MYO1E: variants seen among roughly 807,000 people sequenced by gnomAD.
The protein encoded by MYO1E is myosin IE.
In MYO1E, 68 loss-of-function variants were observed where a neutral mutation model predicts 151.1. The ratio of observed to expected loss-of-function variants is 0.45; its 90% CI spans 0.37 to 0.55. The LOEUF (loss-of-function observed/expected upper bound fraction) is 0.55. Among genes scored for constraint, MYO1E ranks in the 20% least tolerant of loss-of-function variants. MYO1E has a pLI of 0.00. For synonymous variants in MYO1E, 601 were observed against 501.7 expected, an observed-to-expected ratio of 1.20 and a Z score of -2.64; for missense variants, 1,363 against 1,389.3, an observed-to-expected ratio of 0.98 and a Z score of 0.30.
intron 4 of MYO1E, 41 bp from the exon 5 acceptor site, chr15:59,236,713 T>C (rs1278804852): frequency 1.3e-6 from 2 of 1,501,932 alleles, no homozygotes; most frequent in Admixed American, 1.7e-5. Context: ...AGAAGTGGAT[T>C]GCGACCAGCT....
At chr15:59,274,836 C>G (rs951755206) in intron 1 of MYO1E, among the ~76,000 whole-genome samples, 2 of 152,130 alleles carry the variant, frequency 1.3e-5, no homozygotes, top group African/African-American at 4.8e-5. Context: ...AAAGCACTCA[C>G]GGTAGAGTTC....
At chr15:59,155,717 A>G (rs1442651887) in intron 25 of MYO1E, among the ~76,000 whole-genome samples, 1 of 152,168 alleles carries the variant, frequency 6.6e-6, no homozygotes, top group Non-Finnish European at 1.5e-5. Flanking sequence ...TTCTTCAAAG[A>G]AGAAAGGAGG....
chr15:59,235,228 T>C (rs2080055289), intron 5 of MYO1E, among the ~76,000 whole-genome samples: 1 of 152,230 alleles, frequency 6.6e-6, no homozygotes, highest in Admixed American at 6.5e-5. Context: ...AATTGGCAAG[T>C]GGTTCACATA....
chr15:59,197,509 G>T, intron 16 of MYO1E, among the ~76,000 whole-genome samples: 1 of 152,136 alleles, frequency 6.6e-6, no homozygotes, highest in Non-Finnish European at 1.5e-5. Flanking sequence ...TCTCATTTAC[G>T]CCTCACAACA....
intron 20 of MYO1E, 75 bp from the exon 21 acceptor site, chr15:59,173,990 T>C (rs1245793977): frequency 4.5e-6 from 7 of 1,551,498 alleles, no homozygotes; most frequent in Admixed American, 1.7e-5. Flanking sequence ...TGTGGAAATA[T>C]ACAAAGAAAC....
intron 1 of MYO1E, among the ~76,000 whole-genome samples, chr15:59,310,698 T>C (rs1596411477): frequency 6.6e-6 from 1 of 152,246 alleles, no homozygotes; most frequent in South Asian, 2.1e-4. Context: ...AGCAATTTGT[T>C]AAGGCAGCCC....
At chr15:59,195,612 G>A (rs760257000) in intron 16 of MYO1E, 45 bp from the exon 17 acceptor site, 6 of 1,523,122 alleles carry the variant, frequency 3.9e-6, no homozygotes, top group Non-Finnish European at 5.5e-6. Context: ...TTTCTCTAAA[G>A]AAGACCAAAT....
At chr15:59,338,841 A>G (rs1471917798) in intron 1 of MYO1E, among the ~76,000 whole-genome samples, 2 of 152,226 alleles carry the variant, frequency 1.3e-5, no homozygotes, top group African/African-American at 4.8e-5. Flanking sequence ...CCCTATAAAT[A>G]AAACATCAGG....
intron 1 of MYO1E, among the ~76,000 whole-genome samples, chr15:59,276,284 G>A (rs1243930230): frequency 6.6e-6 from 1 of 152,066 alleles, no homozygotes. Context: ...ATGACTCTCA[G>A]GCGAGCTTCA....
intron 1 of MYO1E, among the ~76,000 whole-genome samples, chr15:59,324,109 T>C (rs117882173): frequency 0.034 from 5,157 of 152,112 alleles, 149 homozygotes; most frequent in Middle Eastern, 0.11. Context: ...AAATCATAAG[T>C]AAGAAAAGAA....
chr15:59,200,216 T>C (rs2079792578), intron 16 of MYO1E, among the ~76,000 whole-genome samples: 1 of 152,164 alleles, frequency 6.6e-6, no homozygotes, highest in Admixed American at 6.5e-5. Flanking sequence ...AAATGAGTCA[T>C]CATAACCTGG....
intron 26 of MYO1E, among the ~76,000 whole-genome samples, chr15:59,139,807 C>T (rs772170244): frequency 2.0e-5 from 3 of 151,452 alleles, no homozygotes. Flanking sequence ...CTCATTATTA[C>T]TCTGCAGACT....
At chr15:59,249,742 A>C (rs138128163) in intron 4 of MYO1E, among the ~76,000 whole-genome samples, 71 of 152,312 alleles carry the variant, frequency 4.7e-4, no homozygotes, top group African/African-American at 1.6e-3. Flanking sequence ...CATGAGGAGC[A>C]GGCTTCTCTT....
intron 2 of MYO1E, among the ~76,000 whole-genome samples, chr15:59,264,179 G>T (rs1306617511): frequency 1.3e-5 from 2 of 152,088 alleles, no homozygotes. Flanking sequence ...GCATCGTGTC[G>T]ATTATCAAAA....
intron 4 of MYO1E, among the ~76,000 whole-genome samples, chr15:59,247,096 T>G (rs1160610159): frequency 6.6e-6 from 1 of 152,182 alleles, no homozygotes; most frequent in Non-Finnish European, 1.5e-5. Flanking sequence ...CTCGCGAGGC[T>G]GAGGTGGGAG....
intron 1 of MYO1E, among the ~76,000 whole-genome samples, chr15:59,325,730 TG>T (rs1176899766): frequency 7.9e-5 from 12 of 152,220 alleles, no homozygotes; most frequent in Admixed American, 7.9e-4. Flanking sequence ...TGGCCCAGGC[TG>T]GGGGAATACT....
intron 22 of MYO1E, among the ~76,000 whole-genome samples, chr15:59,170,653 G>A (rs1459365230): frequency 6.6e-6 from 1 of 151,884 alleles, no homozygotes; most frequent in East Asian, 1.9e-4. Flanking sequence ...AATGGACACT[G>A]CGGACTCATC....
chr15:59,223,702 A>G lies in MYO1E; in HGVS notation c.778-511T>C, dbSNP rs144905091. On this transcript the variant is annotated intron_variant, in intron 8 of 27. Coordinates refer to ENST00000288235, the MANE Select transcript of MYO1E (RefSeq NM_004998.4). ...AAGAATATATTGTACTTGCAAAAGGATCTTAATGAAAAATCTCCAGGAAAT... is the reference window on the plus strand; with the variant it reads ...AAGAATATATTGTACTTGCAAAAGGGTCTTAATGAAAAATCTCCAGGAAAT... Among the ~76,000 whole-genome samples the G allele has an allele frequency of 7.9e-5, 12 of 152,340 alleles. No homozygotes were observed. The East Asian group carries it at 2.1e-3, about 27-fold the overall frequency.
In MYO1E at chr15:59,179,837, G is replaced by C. The variant is rs116500533; in HGVS notation, c.1905-1300C>G. ...ATCAAGGAGAGACAAACACATTACA[G>C]TTTGTCAAATATGGATAGAATCATC... is the stretch of plus-strand genomic sequence containing the variant. On this transcript the variant is annotated intron_variant, in intron 18 of 27. Coordinates refer to ENST00000288235, the MANE Select transcript of MYO1E (RefSeq NM_004998.4). Among the ~76,000 whole-genome samples, 667 of 152,296 alleles carry C rather than the reference G, an allele frequency of 4.4e-3. 7 individuals carry two copies. The highest frequency in any genetic ancestry group is 0.015 in the African/African-American group (632 of 41,516).
Sources: gnomAD v4.1 joint callset for allele counts (sites outside exome capture counted in the v4.1 genomes callset) on GRCh38, gnomAD v4.1.1 for gene constraint, MANE v1.5 for transcripts, NCBI Gene and HGNC (gene_info 2026-07-23, HGNC 2026-07-21) for gene names.